Variants in CEP128 observed in about 807,000 individuals in gnomAD.
CEP128 encodes centrosomal protein 128, also known as centrosomal protein 128kDa.
CEP128 carries 132 observed loss-of-function variants against 156.7 expected under a neutral mutation model. That is an observed-to-expected ratio of 0.84 (90% CI 0.73 to 0.97). The LOEUF is 0.97. CEP128 is among the 50% of genes least tolerant of loss of function. The pLI is 0.00. For missense variants in CEP128, 1,252 were observed against 1,281.9 expected (o/e 0.98, Z 0.36); for synonymous variants, 469 against 448.9 (o/e 1.04, Z -0.57).
intron 9 of CEP128, among the ~76,000 whole-genome samples, chr14:80,841,720 T>TA (rs1886357549): frequency 6.6e-6 from 1 of 151,974 alleles, no homozygotes; most frequent in South Asian, 2.1e-4. Context: ...GTCACTCACC[T>TA]ACTTAGTGAC....
chr14:80,780,408 A>C (rs954163847), intron 15 of CEP128, among the ~76,000 whole-genome samples: 1 of 152,118 alleles, frequency 6.6e-6, no homozygotes, highest in African/African-American at 2.4e-5. Context: ...CTTAAGGGTA[A>C]ATTGTTTGGT....
At chr14:80,631,078 G>C (rs11159469) in intron 19 of CEP128, among the ~76,000 whole-genome samples, 1 of 151,778 alleles carries the variant, frequency 6.6e-6, no homozygotes, top group Non-Finnish European at 1.5e-5. Context: ...AATCAGAAAT[G>C]TATAAAATCA....
Position 80,483,316 on chromosome 14 carries a change from T to C in CEP128, c.*311-4909A>G, listed in dbSNP as rs145150329. 2.4e-3 allele frequency among the ~76,000 whole-genome samples: 361 copies of C among 152,338 alleles called. 1 individual carries two copies. Among genetic ancestry groups the C allele is most frequent in the African/African-American group, 8.4e-3 (351 of 41,564 alleles). Reference sequence around the variant, plus strand: ...CACACTCAGGCCTTCAGCTGTAGACTTGCACAAACACAAAAGAAATAATGG... The same window carrying C: ...CACACTCAGGCCTTCAGCTGTAGACCTGCACAAACACAAAAGAAATAATGG... On this transcript the variant is annotated intron_variant and NMD_transcript_variant, in intron 14 of 14. Transcript: ENST00000554502.
At chr14:80,798,233 G>A (rs1009097509) in intron 13 of CEP128, among the ~76,000 whole-genome samples, 1 of 152,156 alleles carries the variant, frequency 6.6e-6, no homozygotes, top group African/African-American at 2.4e-5. Context: ...ATGGTGATGA[G>A]TAGTTGGGTT....
rs145597136 is a variant in CEP128 at position 80,760,729 on chromosome 14, A to C, written c.2553+708T>G. On this transcript the variant is annotated intron_variant, in intron 17 of 24. Transcript: ENST00000555265. ...AGAGCTGACAGAAGTGCTTACCTGC[A>C]AGGAATTCAGAGCATCCATGATCAC... 1.3e-3 allele frequency among the ~76,000 whole-genome samples: 204 copies of C among 152,262 alleles called. 2 individuals carry two copies. Among genetic ancestry groups the C allele is most frequent in the African/African-American group, 4.4e-3 (183 of 41,582 alleles).
At chr14:80,637,421 C>T (rs1401701798) in intron 19 of CEP128, among the ~76,000 whole-genome samples, 1 of 152,092 alleles carries the variant, frequency 6.6e-6, no homozygotes, top group Non-Finnish European at 1.5e-5. Context: ...AAGATGAGAC[C>T]TTGAAAGGAG....
chr14:80,653,421 A>G lies in CEP128; in HGVS notation c.2807-72998T>C, dbSNP rs141322680. Among the ~76,000 whole-genome samples, 110 of 152,304 alleles carry G rather than the reference A, an allele frequency of 7.2e-4. 1 individual carries two copies. The East Asian group carries it at 0.017, about 24-fold the overall frequency. ...CTCTATAATACAAAAATGCAAGGTG[A>G]AGATCAAGTACCAATTGAGAATCTG... On this transcript the variant is annotated intron_variant, in intron 19 of 24. Transcript: ENST00000555265.
At chr14:80,563,592 G>C (rs1380814168) in intron 20 of CEP128, among the ~76,000 whole-genome samples, 1 of 134,130 alleles carries the variant, frequency 7.5e-6, no homozygotes, top group Non-Finnish European at 1.5e-5. Context: ...GGAGTGCAGT[G>C]GCACAATCTC....
At chr14:80,823,978 G>A (rs1885335254) in intron 13 of CEP128, among the ~76,000 whole-genome samples, 1 of 152,224 alleles carries the variant, frequency 6.6e-6, no homozygotes, top group Non-Finnish European at 1.5e-5. Context: ...TTCTGCCTAG[G>A]CATCCAGGCA....
intron 23 of CEP128, among the ~76,000 whole-genome samples, chr14:80,518,440 T>C (rs1425932104): frequency 6.6e-6 from 1 of 152,088 alleles, no homozygotes; most frequent in Non-Finnish European, 1.5e-5. Context: ...TATGTGTAAT[T>C]AGCTGTTGTT....
At chr14:80,515,553 A>C (rs1302604571) in intron 23 of CEP128, among the ~76,000 whole-genome samples, 1 of 152,106 alleles carries the variant, frequency 6.6e-6, no homozygotes, top group Non-Finnish European at 1.5e-5. Flanking sequence ...GATAATGTTG[A>C]GGGCTCTTCA....
At chr14:80,847,394 G>A (rs543665249) in intron 9 of CEP128, among the ~76,000 whole-genome samples, 3 of 152,152 alleles carry the variant, frequency 2.0e-5, no homozygotes, top group African/African-American at 4.8e-5. Flanking sequence ...GTCTTATAGA[G>A]AACAATGTTT....
intron 16 of CEP128, among the ~76,000 whole-genome samples, chr14:80,766,958 T>C (rs760891717): frequency 6.6e-6 from 1 of 152,114 alleles, no homozygotes; most frequent in African/African-American, 2.4e-5. Flanking sequence ...CTAAAAAGTT[T>C]TGAGGAAGAA....
intron 19 of CEP128, among the ~76,000 whole-genome samples, chr14:80,719,140 T>C (rs1216664099): frequency 1.3e-5 from 2 of 152,148 alleles, no homozygotes; most frequent in South Asian, 2.1e-4. Flanking sequence ...ACAAATGCCA[T>C]AGCAATGACC....
At chr14:80,747,039 T>G (rs927459141) in intron 18 of CEP128, among the ~76,000 whole-genome samples, 44 of 152,192 alleles carry the variant, frequency 2.9e-4, no homozygotes, top group African/African-American at 1.0e-3. Context: ...AGACTCTACT[T>G]CACACCCAGC....
chr14:80,602,253 A>G (rs181146730), intron 19 of CEP128, among the ~76,000 whole-genome samples: 55 of 152,376 alleles, frequency 3.6e-4, no homozygotes, highest in African/African-American at 1.1e-3. Flanking sequence ...GACTGTAACA[A>G]TACCCCACCT....
chr14:80,673,719 C>T (rs1328196142), intron 19 of CEP128, among the ~76,000 whole-genome samples: 1 of 143,702 alleles, frequency 7.0e-6, no homozygotes, highest in Non-Finnish European at 1.5e-5. Context: ...AAACCGCTTA[C>T]AACCTATAAT....
At chr14:80,543,034 A>G (rs1391287136) in intron 21 of CEP128, among the ~76,000 whole-genome samples, 2 of 152,206 alleles carry the variant, frequency 1.3e-5, no homozygotes, top group Non-Finnish European at 2.9e-5. Flanking sequence ...ATGTTGAAAG[A>G]CCATGTGAAC....
intron 2 of CEP128, among the ~76,000 whole-genome samples, chr14:80,933,538 T>C (rs1885606223): frequency 6.6e-6 from 1 of 152,142 alleles, no homozygotes; most frequent in Non-Finnish European, 1.5e-5. Context: ...CACAGACAAT[T>C]ATAAATGAAT....
Sources: allele counts gnomAD v4.1 joint callset (sites outside exome capture counted in the v4.1 genomes callset), GRCh38; gene constraint gnomAD v4.1.1; transcripts MANE v1.5; gene names NCBI Gene and HGNC (gene_info 2026-07-23, HGNC 2026-07-21).